ANTXR1: variants seen among roughly 807,000 people sequenced by gnomAD.
ANTXR1 encodes the protein anthrax toxin receptor 1.
ANTXR1 carries 19 observed loss-of-function variants against 78.1 expected under a neutral mutation model. The ratio of observed to expected loss-of-function variants is 0.24; its 90% CI spans 0.17 to 0.36. The LOEUF (loss-of-function observed/expected upper bound fraction) is 0.36, where lower values mean the gene tolerates loss of function less well. Among genes scored for constraint, ANTXR1 ranks in the 10% least tolerant of loss-of-function variants. The pLI is 1.00. For missense variants in ANTXR1, 518 were observed against 718.6 expected (o/e 0.72, Z 3.19); for synonymous variants, 273 against 260.5 (o/e 1.05, Z -0.46).
At chr2:69,101,511 T>G (rs1671619422) in intron 9 of ANTXR1, among the ~76,000 whole-genome samples, 1 of 152,200 alleles carries the variant, frequency 6.6e-6, no homozygotes, top group African/African-American at 2.4e-5. Context: ...ACATCAGACA[T>G]GTACAATATT....
chr2:69,240,256 AG>A (rs1419776963), intron 17 of ANTXR1, among the ~76,000 whole-genome samples: 1 of 152,264 alleles, frequency 6.6e-6, no homozygotes, highest in African/African-American at 2.4e-5. Flanking sequence ...GAGCAACACT[AG>A]GCTCCACAGG....
At chr2:69,029,979 C>A (rs758428086) in intron 1 of ANTXR1, among the ~76,000 whole-genome samples, 4 of 152,112 alleles carry the variant, frequency 2.6e-5, no homozygotes, top group Non-Finnish European at 4.4e-5. Context: ...ACTCATATTA[C>A]ATTTACATAT....
chr2:69,152,084 C>A, intron 12 of ANTXR1, 85 bp from the exon 13 acceptor site: 1 of 1,328,006 alleles, frequency 7.5e-7, no homozygotes, highest in Non-Finnish European at 1.1e-6. Context: ...AGCCTTAAAT[C>A]TGCATATCAG....
At chr2:69,140,327 A>G (rs532177091) in intron 12 of ANTXR1, among the ~76,000 whole-genome samples, 2 of 152,264 alleles carry the variant, frequency 1.3e-5, no homozygotes, top group Non-Finnish European at 2.9e-5. Flanking sequence ...GGATTTATAC[A>G]TCCATATGAT....
rs4597566 is a variant in ANTXR1, at chr2:69,024,994, T to C, written c.152+11343T>C. On this transcript the variant is annotated intron_variant, in intron 1 of 17. Transcript: ENST00000303714. Reference sequence around the variant, plus strand: ...TTCAGCAAAGTATGCAAGACCCTTATTGCTCAGGTCACTATGCATTTCCAA... The same window carrying C: ...TTCAGCAAAGTATGCAAGACCCTTACTGCTCAGGTCACTATGCATTTCCAA... 0.016 allele frequency among the ~76,000 whole-genome samples: 2,412 copies of C among 152,312 alleles called. 98 individuals carry two copies. In the East Asian group the frequency reaches 0.17, roughly 11 times the overall value.
intron 1 of ANTXR1, among the ~76,000 whole-genome samples, chr2:69,033,168 A>G (rs6546472): frequency 0.38 from 57,411 of 152,162 alleles, 16,336 homozygotes; most frequent in African/African-American, 0.77. Context: ...ACAGGAGCAG[A>G]GCGGGCAGCC....
chr2:69,122,967 A>C (rs1339464095), intron 10 of ANTXR1, 50 bp from the exon 11 acceptor site: 44 of 1,585,938 alleles, frequency 2.8e-5, no homozygotes, highest in Non-Finnish European at 3.8e-5. Flanking sequence ...TTGAATTTGA[A>C]ATTATAAACT....
chr2:69,057,603 C>A (rs59633508), intron 3 of ANTXR1, among the ~76,000 whole-genome samples: 2 of 152,130 alleles, frequency 1.3e-5, no homozygotes, highest in South Asian at 4.1e-4. Flanking sequence ...CATCAACCAG[C>A]TCTTCCTCCA....
chr2:69,129,473 G>A (rs369315027), intron 12 of ANTXR1, among the ~76,000 whole-genome samples: 2 of 152,106 alleles, frequency 1.3e-5, no homozygotes, highest in Non-Finnish European at 2.9e-5. Flanking sequence ...TGTATAATAG[G>A]CCGGGCGTGG....
At chr2:69,167,608 C>G (rs1673864131) in intron 13 of ANTXR1, among the ~76,000 whole-genome samples, 1 of 152,196 alleles carries the variant, frequency 6.6e-6, no homozygotes, top group Non-Finnish European at 1.5e-5. Flanking sequence ...TCCTGCCATC[C>G]TGTGGTGAGC....
intron 9 of ANTXR1, among the ~76,000 whole-genome samples, chr2:69,101,866 C>T (rs1671632778): frequency 1.3e-5 from 2 of 152,198 alleles, no homozygotes; most frequent in Non-Finnish European, 2.9e-5. Flanking sequence ...GGAACACTGA[C>T]CATTAGATAC....
intron 13 of ANTXR1, among the ~76,000 whole-genome samples, chr2:69,163,896 T>C (rs770959522): frequency 6.6e-6 from 1 of 152,208 alleles, no homozygotes; most frequent in Non-Finnish European, 1.5e-5. Flanking sequence ...TGAAGTTGAC[T>C]ATGAAGAACA....
At chr2:69,237,504 G>GC (rs1282926034) in intron 17 of ANTXR1, among the ~76,000 whole-genome samples, 1 of 152,186 alleles carries the variant, frequency 6.6e-6, no homozygotes, top group African/African-American at 2.4e-5. Flanking sequence ...TGCCATGATA[G>GC]CCCATTGCAG....
chr2:69,130,781 A>G (rs1558581616), intron 12 of ANTXR1, among the ~76,000 whole-genome samples: 2 of 152,166 alleles, frequency 1.3e-5, no homozygotes, highest in Admixed American at 6.5e-5. Context: ...TAAACAGGCT[A>G]TCTCCCCCTG....
intron 1 of ANTXR1, among the ~76,000 whole-genome samples, chr2:69,018,151 ACAGCCTGTCATTCAT>A (rs1051192754): frequency 6.6e-6 from 1 of 152,178 alleles, no homozygotes; most frequent in Non-Finnish European, 1.5e-5. Flanking sequence ...TGCCAAAGCC[ACAGCCTGTCATTCAT>A]TTTCTGCACC....
intron 1 of ANTXR1, among the ~76,000 whole-genome samples, chr2:69,021,921 C>A (rs1471900417): frequency 1.3e-5 from 2 of 152,296 alleles, no homozygotes; most frequent in Admixed American, 6.5e-5. Flanking sequence ...GCCCAAGAGG[C>A]AATGATAGCT....
At chr2:69,168,359 A>C (rs2104449273) in intron 13 of ANTXR1, among the ~76,000 whole-genome samples, 1 of 152,344 alleles carries the variant, frequency 6.6e-6, no homozygotes, top group East Asian at 1.9e-4. Context: ...TCATTTAACA[A>C]ATGAGGACAG....
intron 1 of ANTXR1, among the ~76,000 whole-genome samples, chr2:69,019,743 C>G (rs1671130334): frequency 6.6e-6 from 1 of 152,176 alleles, no homozygotes; most frequent in Admixed American, 6.5e-5. Context: ...ACCTTCCACC[C>G]TCCGACAGGC....
At chr2:69,107,249 G>T (rs571942839) in intron 10 of ANTXR1, among the ~76,000 whole-genome samples, 4 of 151,692 alleles carry the variant, frequency 2.6e-5, no homozygotes, top group East Asian at 3.9e-4. Flanking sequence ...GTTTTGTGTG[G>T]TTTTTTTTGA....
Sources: allele counts gnomAD v4.1 joint callset (sites outside exome capture counted in the v4.1 genomes callset), GRCh38; gene constraint gnomAD v4.1.1; transcripts MANE v1.5; gene names NCBI Gene and HGNC (gene_info 2026-07-23, HGNC 2026-07-21).